Variants in RIN3 observed in about 807,000 individuals in gnomAD.
RIN3 encodes RAB5 interacting protein 3.
A neutral mutation model predicts 76.3 loss-of-function variants in RIN3; 54 were observed. The observed-to-expected ratio is 0.71, with a 90% CI of 0.57 to 0.89. The LOEUF (loss-of-function observed/expected upper bound fraction) is 0.89. Ranked by LOEUF, RIN3 falls within the 40% of genes least tolerant of loss-of-function variation. RIN3 has a pLI of 0.00. For synonymous variants in RIN3, 576 were observed against 564.0 expected, an observed-to-expected ratio of 1.02 and a Z score of -0.30; for missense variants, 1,256 against 1,322.1, an observed-to-expected ratio of 0.95 and a Z score of 0.78.
chr14:92,659,585 G>GC (rs2140151171), intron 7 of RIN3, 116 bp downstream of exon 7: 5 of 1,000,890 alleles, frequency 5.0e-6, no homozygotes, highest in East Asian at 2.6e-5. Context: ...CAGATTCAGA[G>GC]CCCCCTTGGG....
rs763771909 is a variant in RIN3 at position 92,572,877 on chromosome 14, C to CTTTT, written c.250-4464_250-4461dup. On this transcript the variant is annotated intron_variant, in intron 2 of 9. Coordinates refer to ENST00000216487, the MANE Select transcript of RIN3 (RefSeq NM_024832.5). ...TGTAGAAGGGTGACTCTTTTTTTTGCTTTTTTTTTTTTTTTTTTTTTTGAG... is the reference window on the plus strand; with the variant it reads ...TGTAGAAGGGTGACTCTTTTTTTTGCTTTTTTTTTTTTTTTTTTTTTTTTTTGAG... Among the ~76,000 whole-genome samples the CTTTT allele has an allele frequency of 3.8e-3, 380 of 100,064 alleles. 4 individuals carry two copies. The highest frequency in any genetic ancestry group is 4.8e-3 in the African/African-American group (110 of 23,082). The allele number at this position is 100,064 out of a possible 152,430, so 65.6% of individuals were successfully genotyped here.
At position 92,559,138 on chromosome 14, in the gene RIN3, A is replaced by G. The variant is rs1897688813; in HGVS notation, c.249+3183A>G. Among the ~76,000 whole-genome samples the G allele has an allele frequency of 2.0e-5, 3 of 152,030 alleles. No homozygotes were observed. In the South Asian group the frequency reaches 6.2e-4, roughly 31 times the overall value. On this transcript the variant is annotated intron_variant, in intron 2 of 9. Coordinates refer to ENST00000216487, the MANE Select transcript of RIN3 (RefSeq NM_024832.5). The stretch of plus-strand genomic sequence containing the variant: ...CACCTCGGCCTTCCAAAGTGCTGGC[A>G]TTACAGGTGTGAGCCACCGTGCCCG...
intron 7 of RIN3, among the ~76,000 whole-genome samples, chr14:92,668,585 G>C (rs1888186962): frequency 6.6e-6 from 1 of 152,244 alleles, no homozygotes; most frequent in Non-Finnish European, 1.5e-5. Context: ...CAGTGGGAGA[G>C]AGGGGGCTGG....
chr14:92,632,022 G>C (rs1886604924), intron 4 of RIN3, among the ~76,000 whole-genome samples: 1 of 152,198 alleles, frequency 6.6e-6, no homozygotes, highest in Non-Finnish European at 1.5e-5. Context: ...CCCTCGAGGA[G>C]AAAGCAGGAG....
intron 3 of RIN3, among the ~76,000 whole-genome samples, chr14:92,579,728 G>A (rs1898375625): frequency 6.6e-6 from 1 of 152,374 alleles, no homozygotes; most frequent in East Asian, 1.9e-4. Context: ...AAGATGCAAA[G>A]ATGAAGAAAA....
At chr14:92,622,631 G>A (rs115725004) in intron 4 of RIN3, among the ~76,000 whole-genome samples, 42 of 152,336 alleles carry the variant, frequency 2.8e-4, no homozygotes, top group African/African-American at 1.0e-3. Context: ...TCTTCCCCCT[G>A]TGGGCTGGGG....
chr14:92,559,074 C>T (rs759484782), intron 2 of RIN3, among the ~76,000 whole-genome samples: 5 of 151,992 alleles, frequency 3.3e-5, no homozygotes, highest in Non-Finnish European at 5.9e-5. Flanking sequence ...ACCATGTTGG[C>T]CAGGCTGGTC....
rs796541013 is a variant in RIN3 at position 92,607,633 on chromosome 14, T to C, written c.368-7774T>C. ...CCAAAAAAGGATGGGAAACTACAGA[T>C]GGCCTTACCACATGACCCAGCAATT... On this transcript the variant is annotated intron_variant, in intron 3 of 9. Transcript: ENST00000216487. Among the ~76,000 whole-genome samples the C allele has an allele frequency of 2.6e-4, 39 of 152,284 alleles. 1 individual carries two copies. The highest frequency in any genetic ancestry group is 8.4e-4 in the African/African-American group (35 of 41,570).
chr14:92,534,273 A>G (rs1207510463), intron 1 of RIN3, among the ~76,000 whole-genome samples: 2 of 148,326 alleles, frequency 1.3e-5, no homozygotes, highest in South Asian at 2.1e-4. Context: ...AGATGGGGAA[A>G]CTTAGGCTCA....
chr14:92,602,158 C>T (rs1434618963), intron 3 of RIN3, among the ~76,000 whole-genome samples: 1 of 152,200 alleles, frequency 6.6e-6, no homozygotes, highest in Non-Finnish European at 1.5e-5. Context: ...GGGCCCTGCT[C>T]TCTGGAAGCT....
At chr14:92,672,121 G>C (rs1888305740) in intron 7 of RIN3, among the ~76,000 whole-genome samples, 2 of 152,132 alleles carry the variant, frequency 1.3e-5, no homozygotes, top group African/African-American at 4.8e-5. Context: ...ATAGAGACTG[G>C]GGCCGGGCGT....
chr14:92,632,478 G>C (rs1217530533), intron 4 of RIN3, among the ~76,000 whole-genome samples: 1 of 152,202 alleles, frequency 6.6e-6, no homozygotes, highest in Non-Finnish European at 1.5e-5. Context: ...AAGGGGTTTA[G>C]CAGAGCGCCT....
At chr14:92,543,196 A>G (rs1393401813) in intron 1 of RIN3, among the ~76,000 whole-genome samples, 1 of 152,148 alleles carries the variant, frequency 6.6e-6, no homozygotes, top group East Asian at 1.9e-4. Context: ...TCCAGCCGGA[A>G]AACAGAAGAC....
At chr14:92,680,332 T>C (rs987363279) in intron 8 of RIN3, among the ~76,000 whole-genome samples, 5 of 152,070 alleles carry the variant, frequency 3.3e-5, no homozygotes, top group Admixed American at 6.6e-5. Context: ...CCCAAGTAGC[T>C]GGGATTACAG....
chr14:92,561,158 T>TA (rs1897767258), intron 2 of RIN3, among the ~76,000 whole-genome samples: 1 of 141,644 alleles, frequency 7.1e-6, no homozygotes, highest in Non-Finnish European at 1.5e-5. Flanking sequence ...TATATATATA[T>TA]TTATATATAT....
In RIN3 at chr14:92,688,443, T is replaced by A; in HGVS notation, c.*191T>A. Reference sequence around the variant, plus strand: ...AAGGCCACTTCCTGAGGGCAAGTCCTAATAGCCCTGAGACACCGAGACGGC... The same window carrying A: ...AAGGCCACTTCCTGAGGGCAAGTCCAAATAGCCCTGAGACACCGAGACGGC... On this transcript the variant is annotated 3_prime_UTR_variant, in exon 10 of 10. Transcript: ENST00000216487. The A allele has an allele frequency of 1.7e-6, 1 of 597,104 alleles. No homozygotes were observed. Among genetic ancestry groups the A allele is most frequent in the Non-Finnish European group, 2.9e-6 (1 of 342,818 alleles). 37.0% of individuals were successfully genotyped at this position (597,104 alleles called of 1,614,324 possible). A position where few individuals can be genotyped will look rare whatever the true frequency, so the allele number is the denominator to read the frequency against.
chr14:92,660,674 C>G (rs1340648012), intron 7 of RIN3, among the ~76,000 whole-genome samples: 1 of 152,212 alleles, frequency 6.6e-6, no homozygotes, highest in Non-Finnish European at 1.5e-5. Flanking sequence ...TGTTTAGGCA[C>G]AAGAGACCAT....
At chr14:92,686,459 T>C (rs1368318811) in intron 9 of RIN3, 1 of 152,296 alleles carries the variant, frequency 6.6e-6, no homozygotes, top group African/African-American at 2.4e-5. Context: ...AAGAAGTGTA[T>C]GCAGTCGGCT....
intron 3 of RIN3, among the ~76,000 whole-genome samples, chr14:92,612,094 T>C (rs1885761721): frequency 6.6e-6 from 1 of 152,094 alleles, no homozygotes; most frequent in Non-Finnish European, 1.5e-5. Flanking sequence ...CATGATCCCA[T>C]CACCTCCCAC....
Sources: allele counts gnomAD v4.1 joint callset (sites outside exome capture counted in the v4.1 genomes callset), GRCh38; gene constraint gnomAD v4.1.1; transcripts MANE v1.5; gene names NCBI Gene and HGNC (gene_info 2026-07-23, HGNC 2026-07-21).